The following KLRC4 variants were observed in gnomAD, a reference collection of about 807,000 sequenced individuals.
The protein encoded by KLRC4 is NKG2-F type II integral membrane protein.
KLRC4 carries 6 observed loss-of-function variants against 14.3 expected under a neutral mutation model. The observed-to-expected ratio is 0.42, with a 90% CI of 0.23 to 0.83. The LOEUF is 0.83. Ranked by LOEUF, KLRC4 falls within the 40% of genes least tolerant of loss-of-function variation. The pLI, the probability that KLRC4 is intolerant of heterozygous loss-of-function variation, is 0.29. For synonymous variants in KLRC4, 53 were observed against 60.5 expected (o/e 0.88, Z 0.57); for missense variants, 158 against 179.4 (o/e 0.88, Z 0.68).
rs1189174657 is a variant in KLRC4 at position 10,408,892 on chromosome 12, T to A, written c.286+20A>T. The A allele has an allele frequency of 1.9e-6, 3 of 1,613,294 alleles. No individual in the cohort carries two copies. Among genetic ancestry groups the A allele is most frequent in the Non-Finnish European group, 2.5e-6 (3 of 1,179,492 alleles). ...ATTATAGTGAAAAGTTCCCTTATAA[T>A]CTTTCAAGAATATGCTTACAAGGAA... is the stretch of plus-strand genomic sequence containing the variant. On this transcript the variant is annotated intron_variant, in intron 2 of 3. Coordinates refer to ENST00000309384, the MANE Select transcript of KLRC4 (RefSeq NM_013431.2).
In KLRC4 at chr12:10,407,593, AG is replaced by A; in HGVS notation, c.*59del. 4.5e-6 allele frequency: 7 copies of A among 1,566,876 alleles called. No homozygotes were observed. Among genetic ancestry groups the A allele is most frequent in the Non-Finnish European group, 6.1e-6 (7 of 1,153,496 alleles). ...TGATTTCTACAAATATGATATTGAC[AG>A]AAATAAGCTTTTAGTAAAGTGTTGA... On this transcript the variant is annotated 3_prime_UTR_variant, in exon 4 of 4. Coordinates refer to ENST00000309384, the MANE Select transcript of KLRC4 (RefSeq NM_013431.2).
chr12:10,408,615 T>A (rs1339273111), intron 2 of KLRC4, among the ~76,000 whole-genome samples: 2 of 152,124 alleles, frequency 1.3e-5, no homozygotes, highest in Admixed American at 6.5e-5. Context: ...AAAAATTAAT[T>A]TGTTTTTCTA....
intron 1 of KLRC4, 61 bp from the exon 2 acceptor site, chr12:10,409,071 G>A (rs1415421286): frequency 2.0e-5 from 32 of 1,579,820 alleles, no homozygotes; most frequent in South Asian, 1.6e-4. Flanking sequence ...GAAGGTTTAC[G>A]TACAAGAGAA....
chr12:10,408,787 T>C, intron 2 of KLRC4, 125 bp downstream of exon 2: 1 of 1,165,186 alleles, frequency 8.6e-7, no homozygotes. Flanking sequence ...AGCAGCATAT[T>C]ATCTTGGGGT....
intron 3 of KLRC4, among the ~76,000 whole-genome samples, chr12:10,408,022 T>C (rs1209412085): frequency 6.6e-6 from 1 of 152,112 alleles, no homozygotes; most frequent in Admixed American, 6.6e-5. Flanking sequence ...AAATCCACCC[T>C]ACACATCTTA....
chr12:10,407,724 T>G lies in KLRC4; in HGVS notation c.406A>C (p.Lys136Gln). ...TYSNSCYYIG[K>Q]ERRTWEERVC... is the part of the protein sequence containing the mutation. ...CTTTCTTCCCAAGTTCTTCTTTCCTTACCAATGTAATAACAACTGTTGGAA... is the reference window on the plus strand; with the variant it reads ...CTTTCTTCCCAAGTTCTTCTTTCCTGACCAATGTAATAACAACTGTTGGAA... The change falls in exon 4 of 4, where the codon AAG (lysine) becomes CAG (glutamine). Residue 136 changes from lysine (K) to glutamine (Q), a missense_variant. Lys to Gln is a moderately conservative substitution (Grantham distance 53). Coordinates refer to ENST00000309384, the MANE Select transcript of KLRC4 (RefSeq NM_013431.2). 6.2e-7 allele frequency: 1 copy of G among 1,613,896 alleles called. No homozygotes were observed. Among genetic ancestry groups the G allele is most frequent in the East Asian group, 2.2e-5 (1 of 44,850 alleles).
At chr12:10,407,876 G>T (rs1591597182) in intron 3 of KLRC4, 87 bp from the exon 4 acceptor site, 1 of 1,480,128 alleles carries the variant, frequency 6.8e-7, no homozygotes, top group Non-Finnish European at 9.0e-7. Flanking sequence ...AAACATACAG[G>T]TACACAATAT....
At position 10,408,980 on chromosome 12, in the gene KLRC4, G is replaced by T; in HGVS notation, c.218C>A (p.Ala73Asp). 1 of 1,613,780 alleles carries T rather than the reference G, an allele frequency of 6.2e-7. No individual in the cohort carries two copies. The highest frequency in any genetic ancestry group is 8.5e-7 in the Non-Finnish European group (1 of 1,179,744). Residue 73 changes from alanine (A) to aspartate (D), a missense_variant, in exon 2 of 4, where the codon GCT (alanine) becomes GAT (aspartate). Ala to Asp is a moderately radical substitution (Grantham distance 126). Transcript: ENST00000309384. The part of the protein sequence containing the change: ...GLLPPPEKLT[A>D]EVLGIICIVL... Reference sequence around the variant, plus strand: ...AATGCAAATGATTCCTAGGACCTCAGCAGTGAGCTTCTCTGGAGGTGGCAG... The same window carrying T: ...AATGCAAATGATTCCTAGGACCTCATCAGTGAGCTTCTCTGGAGGTGGCAG...
Position 10,409,013 on chromosome 12 carries a change from G to C in KLRC4, c.188-3C>G, listed in dbSNP as rs1304524027. 1 of 1,613,670 alleles carries C rather than the reference G, an allele frequency of 6.2e-7. No individual in the cohort carries two copies. The highest frequency in any genetic ancestry group is 1.7e-5 in the Admixed American group (1 of 59,990). On this transcript the variant is annotated splice_region_variant and splice_polypyrimidine_tract_variant and intron_variant, in intron 1 of 3. Transcript: ENST00000309384. ...CTTCTCTGGAGGTGGCAGTAAACCT[G>C]CAGGGAGAGAAAGAGGCACTGAGAG...
At position 10,407,425 on chromosome 12, in the gene KLRC4, G is replaced by T; in HGVS notation, c.*228C>A. Reference sequence around the variant, plus strand: ...TTATTTTGTGATAAAAACATTTATAGAAGCATGGGTTTCCATGAAAAGCAA... The same window carrying T: ...TTATTTTGTGATAAAAACATTTATATAAGCATGGGTTTCCATGAAAAGCAA... On this transcript the variant is annotated 3_prime_UTR_variant, in exon 4 of 4. Transcript: ENST00000309384. 2.2e-6 allele frequency: 1 copy of T among 454,696 alleles called. No homozygotes were observed. The highest frequency in any genetic ancestry group is 3.8e-6 in the Non-Finnish European group (1 of 263,076). The allele number at this position is 454,696 out of a possible 1,614,324, so 28.2% of individuals were successfully genotyped here. A position where few individuals can be genotyped will look rare whatever the true frequency, so the allele number is the denominator to read the frequency against.
At position 10,407,634 on chromosome 12, in the gene KLRC4, A is replaced by G. The variant is rs758192055; in HGVS notation, c.*19T>C. 8.1e-6 allele frequency: 13 copies of G among 1,609,720 alleles called. No homozygotes were observed. The highest frequency in any genetic ancestry group is 1.1e-5 in the Non-Finnish European group (13 of 1,178,536). ...TAAAGTGTTGAAACATTTACGTCTT[A>G]CCATTTCTTCCTCATTATCTATAGA... On this transcript the variant is annotated 3_prime_UTR_variant, in exon 4 of 4. Coordinates refer to ENST00000309384, the MANE Select transcript of KLRC4 (RefSeq NM_013431.2).
In KLRC4 at chr12:10,409,659, C is replaced by G. The variant is rs1336950959; in HGVS notation, c.-84G>C. 2.0e-6 allele frequency: 3 copies of G among 1,491,440 alleles called. No homozygotes were observed. The African/African-American group carries it at 4.2e-5, about 21-fold the overall frequency. The allele number at this position is 1,491,440 out of a possible 1,614,324, so 92.4% of individuals were successfully genotyped here. On this transcript the variant is annotated 5_prime_UTR_variant, in exon 1 of 4. Transcript: ENST00000309384. Reference sequence around the variant, plus strand: ...TAAGTGGTGTATATTTTGACAGGATCCCTGGTATAGGCAAACTGCATGTGT... The same window carrying G: ...TAAGTGGTGTATATTTTGACAGGATGCCTGGTATAGGCAAACTGCATGTGT...
At chr12:10,409,366 T>G in intron 1 of KLRC4, 23 bp downstream of exon 1, 1 of 1,588,530 alleles carries the variant, frequency 6.3e-7, no homozygotes, top group Non-Finnish European at 8.6e-7. Context: ...ACAATAATAT[T>G]GAAGATCTAT....
rs1442837236 is a variant in KLRC4 at position 10,409,633 on chromosome 12, A to G, written c.-58T>C. 1.3e-5 allele frequency: 20 copies of G among 1,541,670 alleles called. 1 individual carries two copies. Among genetic ancestry groups the G allele is most frequent in the African/African-American group, 4.2e-5 (3 of 72,072 alleles). On this transcript the variant is annotated 5_prime_UTR_variant, in exon 1 of 4. An upstream open reading frame in the 5' UTR loses its in-frame stop. Coordinates refer to ENST00000309384, the MANE Select transcript of KLRC4 (RefSeq NM_013431.2). ...CTATGATAACTGCACTTAAGAAGCT[A>G]TAAGTGGTGTATATTTTGACAGGAT...
At chr12:10,409,114 C>G in intron 1 of KLRC4, 104 bp from the exon 2 acceptor site, 1 of 1,267,710 alleles carries the variant, frequency 7.9e-7, no homozygotes, top group Non-Finnish European at 1.1e-6. Context: ...ATGATAAACT[C>G]TGTCCTCTAA....
rs765126623 is a variant in KLRC4 at position 10,408,360 on chromosome 12, G to A, written c.309C>T (p.Asn103=). 4.0e-6 allele frequency: 6 copies of A among 1,483,210 alleles called. No individual in the cohort carries two copies. The African/African-American group carries it at 8.3e-5, about 21-fold the overall frequency. The allele number at this position is 1,483,210 out of a possible 1,614,324, so 91.9% of individuals were successfully genotyped here. ...GCATTCTTCTATTCAGGGAAAAATT[G>A]TTCTGCTCCAGTACTCCAATACCTA... The part of the protein sequence containing the change: ...LIPCIGVLEQ[N]NFSLNRRMQK... Residue 103 remains asparagine, a synonymous_variant, in exon 3 of 4, where the codon AAC becomes AAT. Transcript: ENST00000309384.
Position 10,409,413 on chromosome 12 carries a change from T to A in KLRC4, c.163A>T (p.Asn55Tyr). The change falls in exon 1 of 4, where the codon AAT (asparagine) becomes TAT (tyrosine). Residue 55 changes from asparagine (N) to tyrosine (Y), a missense_variant. Asn to Tyr is a moderately radical substitution (Grantham distance 143, BLOSUM62 -2). Coordinates refer to ENST00000309384, the MANE Select transcript of KLRC4 (RefSeq NM_013431.2). Reference protein sequence around the residue: ...LQNASSDHQGNDKTYHCKGLL... With the variant: ...LQNASSDHQGYDKTYHCKGLL... The stretch of plus-strand genomic sequence containing the variant: ...CCTTTGCAGTGATATGTCTTGTCAT[T>A]CCCTTGATGATCCGAAGAAGCATTT... 13 of 1,611,794 alleles carry A rather than the reference T, an allele frequency of 8.1e-6. No homozygotes were observed. Among genetic ancestry groups the A allele is most frequent in the Non-Finnish European group, 1.1e-5 (13 of 1,177,786 alleles).
intron 1 of KLRC4, 78 bp from the exon 2 acceptor site, chr12:10,409,088 T>A: frequency 1.4e-6 from 2 of 1,480,958 alleles, no homozygotes; most frequent in South Asian, 2.3e-5. Flanking sequence ...AGAACTCACG[T>A]GCACAGGAAA....
Position 10,409,370 on chromosome 12 carries a change from G to C in KLRC4, c.187+19C>G. 1 of 1,590,044 alleles carries C rather than the reference G, an allele frequency of 6.3e-7. No individual in the cohort carries two copies. Among genetic ancestry groups the C allele is most frequent in the Non-Finnish European group, 8.6e-7 (1 of 1,158,610 alleles). ...CACATCCTAGAACAATAATATTGAAGATCTATTTAATGTTTTACCTTTGCA... is the reference window on the plus strand; with the variant it reads ...CACATCCTAGAACAATAATATTGAACATCTATTTAATGTTTTACCTTTGCA... On this transcript the variant is annotated intron_variant, in intron 1 of 3. Coordinates refer to ENST00000309384, the MANE Select transcript of KLRC4 (RefSeq NM_013431.2).
Sources: allele counts gnomAD v4.1 joint callset (sites outside exome capture counted in the v4.1 genomes callset), GRCh38; gene constraint gnomAD v4.1.1; transcripts MANE v1.5; gene names NCBI Gene and HGNC (gene_info 2026-07-23, HGNC 2026-07-21).